OPHN1: variants seen among roughly 807,000 people sequenced by gnomAD.
OPHN1 encodes oligophrenin 1.
In OPHN1, 11 loss-of-function variants were observed where a neutral mutation model predicts 60.7. The ratio of observed to expected loss-of-function variants is 0.18; its 90% CI spans 0.11 to 0.30. The LOEUF (loss-of-function observed/expected upper bound fraction) is 0.30, where lower values mean the gene tolerates loss of function less well. OPHN1 is among the 10% of genes least tolerant of loss of function. OPHN1 has a pLI of 1.00. For synonymous variants in OPHN1, 226 were observed against 222.6 expected (o/e 1.02, Z -0.14); for missense variants, 449 against 611.0 (o/e 0.73, Z 2.80).
intron 6 of OPHN1, among the ~76,000 whole-genome samples, chrX:68,218,805 G>A (rs1362694759): frequency 3.4e-5 from 3 of 89,334 alleles, no homozygotes; most frequent in Middle Eastern, 5.6e-3. Flanking sequence ...GGAACAACCG[G>A]TACCAGCCGC....
chrX:68,332,526 T>C (rs2078300952), intron 2 of OPHN1, among the ~76,000 whole-genome samples: 1 of 112,113 alleles, frequency 8.9e-6, no homozygotes, highest in South Asian at 3.7e-4. Flanking sequence ...GTTATACCAC[T>C]TGGGTATTTA....
chrX:68,159,873 C>T (rs915712677), intron 15 of OPHN1, among the ~76,000 whole-genome samples: 2 of 109,754 alleles, frequency 1.8e-5, no homozygotes, highest in Admixed American at 2.0e-4. Context: ...AACAGAGGAA[C>T]AGAAAAGATT....
intron 5 of OPHN1, among the ~76,000 whole-genome samples, chrX:68,257,591 A>G (rs2077870443): frequency 1.8e-5 from 2 of 111,848 alleles, no homozygotes; most frequent in Non-Finnish European, 3.8e-5. Flanking sequence ...AAAAAATATT[A>G]GCTCCCTTAC....
At chrX:68,411,640 T>C (rs965877018) in intron 2 of OPHN1, among the ~76,000 whole-genome samples, 3 of 112,066 alleles carry the variant, frequency 2.7e-5, no homozygotes, top group African/African-American at 9.7e-5. Flanking sequence ...TGTTAATTTG[T>C]TTAACTTCCA....
intron 6 of OPHN1, among the ~76,000 whole-genome samples, chrX:68,233,320 G>T (rs1488448532): frequency 8.9e-6 from 1 of 111,916 alleles, no homozygotes; most frequent in Non-Finnish European, 1.9e-5. Context: ...CTCCAGCTCT[G>T]CCACAATCTG....
intron 15 of OPHN1, among the ~76,000 whole-genome samples, chrX:68,160,223 G>A (rs1322048462): frequency 9.0e-6 from 1 of 110,518 alleles, no homozygotes; most frequent in Non-Finnish European, 1.9e-5. Context: ...AATCCATCCA[G>A]AAGACATATA....
intron 5 of OPHN1, among the ~76,000 whole-genome samples, chrX:68,258,337 G>A (rs990407408): frequency 9.6e-6 from 1 of 104,373 alleles, no homozygotes; most frequent in Admixed American, 1.0e-4. Context: ...CCATGTTGGT[G>A]TGCTGCACCC....
Position 68,308,894 on chromosome X carries a change from G to A in OPHN1, c.155-9798C>T, listed in dbSNP as rs183648804. On this transcript the variant is annotated intron_variant, in intron 2 of 24. Transcript: ENST00000355520. ...TCCTGGGCTCAAGTGATCCTCCCAC[G>A]TCAGCCTCCTGAGTGGCTGGGACTA... Among the ~76,000 whole-genome samples, 131 of 109,419 alleles carry A rather than the reference G, an allele frequency of 1.2e-3. 1 individual carries two copies. Among genetic ancestry groups the A allele is most frequent in the African/African-American group, 4.2e-3 (127 of 30,114 alleles).
chrX:68,092,709 C>T (rs1283253651), intron 19 of OPHN1, among the ~76,000 whole-genome samples: 2 of 111,676 alleles, frequency 1.8e-5, no homozygotes, highest in African/African-American at 6.5e-5. Flanking sequence ...AATCATGCCA[C>T]ATAATATGCT....
intron 2 of OPHN1, among the ~76,000 whole-genome samples, chrX:68,383,766 T>C (rs1437658847): frequency 2.7e-5 from 3 of 110,415 alleles, no homozygotes; most frequent in Non-Finnish European, 5.7e-5. Context: ...TTCAATTCTT[T>C]CTCTCATCCA....
At chrX:68,126,450 A>ATTT (rs1167087086) in intron 15 of OPHN1, among the ~76,000 whole-genome samples, 1 of 105,052 alleles carries the variant, frequency 9.5e-6, no homozygotes, top group African/African-American at 3.4e-5. Context: ...CTGCAATTCA[A>ATTT]TTTTTTTTTT....
At chrX:68,269,972 A>G (rs951555063) in intron 5 of OPHN1, among the ~76,000 whole-genome samples, 1 of 112,344 alleles carries the variant, frequency 8.9e-6, no homozygotes, top group Non-Finnish European at 1.9e-5. Context: ...TATGCAGTCA[A>G]CAGACACAGG....
At chrX:68,376,929 T>G (rs931185231) in intron 2 of OPHN1, among the ~76,000 whole-genome samples, 2 of 87,086 alleles carry the variant, frequency 2.3e-5, no homozygotes, top group African/African-American at 1.5e-4. Context: ...TCTCAAGTAA[T>G]CTTTTTTTTT....
chrX:68,211,581 AAT>A (rs1478149202), intron 8 of OPHN1, among the ~76,000 whole-genome samples: 1 of 112,466 alleles, frequency 8.9e-6, no homozygotes, highest in African/African-American at 3.2e-5. Flanking sequence ...CATGTAAAGG[AAT>A]ATATGTGAAA....
intron 6 of OPHN1, among the ~76,000 whole-genome samples, chrX:68,226,078 C>G (rs1252189700): frequency 9.0e-6 from 1 of 111,665 alleles, no homozygotes; most frequent in East Asian, 2.8e-4. Flanking sequence ...AACTACATGA[C>G]ACATGCACAA....
chrX:68,065,038 T>G (rs2076908151), intron 20 of OPHN1, among the ~76,000 whole-genome samples: 1 of 110,789 alleles, frequency 9.0e-6, no homozygotes, highest in South Asian at 3.9e-4. Flanking sequence ...ATATACCTAA[T>G]GTAAATGATG....
intron 2 of OPHN1, among the ~76,000 whole-genome samples, chrX:68,338,030 A>AT (rs1366745823): frequency 1.8e-5 from 2 of 110,527 alleles, no homozygotes; most frequent in African/African-American, 6.5e-5. Context: ...TTATTTATTT[A>AT]TTTTTTTTAG....
At chrX:68,411,724 G>GT (rs2078770589) in intron 2 of OPHN1, among the ~76,000 whole-genome samples, 1 of 111,994 alleles carries the variant, frequency 8.9e-6, no homozygotes, top group Admixed American at 9.6e-5. Flanking sequence ...TAGCTGGTCT[G>GT]TTTACTGTGT....
At chrX:68,287,818 TG>T (rs1329836467) in intron 3 of OPHN1, among the ~76,000 whole-genome samples, 2 of 112,264 alleles carry the variant, frequency 1.8e-5, no homozygotes, top group African/African-American at 6.5e-5. Context: ...GGTTCGTTTT[TG>T]GAGTTTTAAA....
Sources: gnomAD v4.1 joint callset for allele counts (sites outside exome capture counted in the v4.1 genomes callset) on GRCh38, gnomAD v4.1.1 for gene constraint, MANE v1.5 for transcripts, NCBI Gene and HGNC (gene_info 2026-07-23, HGNC 2026-07-21) for gene names.